The following TPTE2 variants were observed in gnomAD, a reference collection of about 807,000 sequenced individuals.
TPTE2 encodes phosphatidylinositol 3,4,5-trisphosphate 3-phosphatase TPTE2.
A neutral mutation model predicts 78.6 loss-of-function variants in TPTE2; 53 were observed. That is an observed-to-expected ratio of 0.67 (90% CI 0.54 to 0.85). TPTE2 has a LOEUF of 0.85. Among genes scored for constraint, TPTE2 ranks in the 40% least tolerant of loss-of-function variants. The probability of loss-of-function intolerance (pLI) is 0.00; values close to 1 mark genes in which losing one functional copy is unlikely to be tolerated. For synonymous variants in TPTE2, 175 were observed against 206.2 expected, an observed-to-expected ratio of 0.85 and a Z score of 1.30; for missense variants, 461 against 623.0, an observed-to-expected ratio of 0.74 and a Z score of 2.77.
the TPTE2 span, among the ~76,000 whole-genome samples, chr13:19,546,660 T>C: frequency 6.6e-6 from 1 of 151,842 alleles, no homozygotes; most frequent in Admixed American, 6.6e-5. Flanking sequence ...CGGCCAATTT[T>C]TGTATTTTTA....
chr13:19,450,948 T>C (rs1340487890), intron 11 of TPTE2, among the ~76,000 whole-genome samples: 1 of 152,198 alleles, frequency 6.6e-6, no homozygotes, highest in Admixed American at 6.5e-5. Context: ...CCAGCCTCAT[T>C]GGTCCTGCCA....
chr13:19,496,946 C>G (rs961556203), intron 1 of TPTE2, among the ~76,000 whole-genome samples: 1 of 152,066 alleles, frequency 6.6e-6, no homozygotes, highest in African/African-American at 2.4e-5. Flanking sequence ...GTGCGCGCAC[C>G]GTGCGCGAGC....
chr13:19,535,220 A>AAC lies in TPTE2; in HGVS notation c.-44+1375_-44+1376insGT, dbSNP rs1566081067. ...TCCTTCTCAAAAAAACAAACAAACAAAAAAATATATATATATATATATTCT... is the reference window on the plus strand; with the variant it reads ...TCCTTCTCAAAAAAACAAACAAACAAACAAAAATATATATATATATATATTCT... On this transcript the variant is annotated intron_variant, in intron 1 of 17. Transcript: ENST00000390680. The surrounding 1 kb of genome is among the most constrained non-coding windows in gnomAD (Gnocchi z 5.1). Among the ~76,000 whole-genome samples the AAC allele has an allele frequency of 1.5e-3, 11 of 7,174 alleles. No homozygotes were observed. The South Asian group carries it at 0.14, about 90-fold the overall frequency. 4.7% of individuals were successfully genotyped at this position (7,174 alleles called of 152,430 possible).
chr13:19,534,950 C>T (rs1258524548), intron 1 of TPTE2, among the ~76,000 whole-genome samples: 1 of 152,142 alleles, frequency 6.6e-6, no homozygotes, highest in Non-Finnish European at 1.5e-5. Flanking sequence ...TGCCTGCAAT[C>T]TCAGAACTTC....
intron 13 of TPTE2, among the ~76,000 whole-genome samples, chr13:19,449,684 AT>A (rs970839419): frequency 5.9e-4 from 90 of 152,258 alleles, no homozygotes; most frequent in Admixed American, 1.4e-3. Context: ...AAATATATTG[AT>A]TTTTTTGTTA....
rs9551472 is a variant in TPTE2, at chr13:19,444,673, G to T, written c.973+5403C>A. 2.0e-5 allele frequency among the ~76,000 whole-genome samples: 3 copies of T among 152,226 alleles called. No individual in the cohort carries two copies. The East Asian group carries it at 5.8e-4, about 29-fold the overall frequency. The stretch of plus-strand genomic sequence containing the variant: ...GCAATTCCAAACAAATTTCTATCCA[G>T]TGTGTGTAATTTGACTAGTTGATTC... On this transcript the variant is annotated intron_variant, in intron 13 of 19. Coordinates refer to ENST00000400230, the Ensembl canonical transcript of TPTE2.
chr13:19,560,614 G>T, the TPTE2 span: 1 of 1,598,454 alleles, frequency 6.3e-7, no homozygotes, highest in Non-Finnish European at 8.5e-7. Flanking sequence ...GGTAGCCACG[G>T]CTGGAAGGTG....
chr13:19,514,638 T>TGA (rs372029297), intron 1 of TPTE2, among the ~76,000 whole-genome samples: 2 of 149,368 alleles, frequency 1.3e-5, no homozygotes, highest in African/African-American at 2.5e-5. Flanking sequence ...TGTCTGTGTG[T>TGA]GAGAGAGAGA....
chr13:19,439,199 C>G (rs914282090), intron 13 of TPTE2, among the ~76,000 whole-genome samples: 31 of 152,284 alleles, frequency 2.0e-4, no homozygotes, highest in African/African-American at 2.9e-4. Flanking sequence ...CCTGGGGCAG[C>G]AGAGAGCTCC....
the TPTE2 span, among the ~76,000 whole-genome samples, chr13:19,556,486 C>T: frequency 2.0e-5 from 3 of 152,046 alleles, no homozygotes; most frequent in South Asian, 6.2e-4. Context: ...ATTAAATGAG[C>T]CCTTGGAGGC....
chr13:19,430,406 T>C lies in TPTE2; in HGVS notation c.1302+62A>G, dbSNP rs142173290. On this transcript the variant is annotated intron_variant, in intron 17 of 19. Transcript: ENST00000400230. Reference sequence around the variant, plus strand: ...GATAGTTTATGGAGGTGAACATTGCTGGTTTGACATTCAGCCTTAAAACAA... The same window carrying C: ...GATAGTTTATGGAGGTGAACATTGCCGGTTTGACATTCAGCCTTAAAACAA... 586 of 1,239,370 alleles carry C rather than the reference T, an allele frequency of 4.7e-4. 3 individuals carry two copies. The African/African-American group carries it at 8.0e-3, about 17-fold the overall frequency. The allele number at this position is 1,239,370 out of a possible 1,614,324, so 76.8% of individuals were successfully genotyped here. A position where few individuals can be genotyped will look rare whatever the true frequency, so the allele number is the denominator to read the frequency against.
At chr13:19,431,243 A>C (rs1876578246) in intron 16 of TPTE2, among the ~76,000 whole-genome samples, 1 of 152,154 alleles carries the variant, frequency 6.6e-6, no homozygotes, top group Admixed American at 6.5e-5. Flanking sequence ...TTAATAATAA[A>C]TACTGTCATT....
chr13:19,538,654 G>A (rs1400803706), upstream of TPTE2, among the ~76,000 whole-genome samples: 3 of 151,518 alleles, frequency 2.0e-5, no homozygotes, highest in Non-Finnish European at 4.4e-5. Flanking sequence ...TCAGCCTCCC[G>A]AATAACTGGG....
At chr13:19,471,420 T>C (rs1879608424) in intron 6 of TPTE2, among the ~76,000 whole-genome samples, 1 of 152,200 alleles carries the variant, frequency 6.6e-6, no homozygotes, top group Non-Finnish European at 1.5e-5. Flanking sequence ...GTTTCTTGTT[T>C]TTTATTTTTC....
At chr13:19,481,451 T>C (rs1284652614) in intron 4 of TPTE2, among the ~76,000 whole-genome samples, 1 of 152,230 alleles carries the variant, frequency 6.6e-6, no homozygotes, top group Non-Finnish European at 1.5e-5. Context: ...AGCCAAGCAC[T>C]GATTCCAGCT....
upstream of TPTE2, chr13:19,536,862 TATAA>T (rs968264312): frequency 6.6e-6 from 1 of 151,528 alleles, no homozygotes; most frequent in African/African-American, 2.4e-5. Context: ...TAATTACATA[TATAA>T]ATATATACAA....
In TPTE2 at chr13:19,475,564, C is replaced by G. The variant is rs1940534634; in HGVS notation, c.230+9G>C. ...ATTTAATACATGGTGTTTTCTATGT[C>G]TCACATACCCAAATGCAAAGGATGA... On this transcript the variant is annotated intron_variant, in intron 5 of 19. Coordinates refer to ENST00000400230, the Ensembl canonical transcript of TPTE2. The G allele has an allele frequency of 1.9e-6, 3 of 1,607,278 alleles. No individual in the cohort carries two copies. Among genetic ancestry groups the G allele is most frequent in the Non-Finnish European group, 2.5e-6 (3 of 1,177,508 alleles).
chr13:19,460,614 G>C (rs75531204), intron 10 of TPTE2, among the ~76,000 whole-genome samples: 6,435 of 152,114 alleles, frequency 0.042, 201 homozygotes, highest in East Asian at 0.17. Flanking sequence ...TCTAGTCATG[G>C]GATGATGACT....
intron 1 of TPTE2, among the ~76,000 whole-genome samples, chr13:19,534,858 A>G (rs1871106731): frequency 6.6e-6 from 1 of 152,222 alleles, no homozygotes; most frequent in Non-Finnish European, 1.5e-5. Flanking sequence ...CTGACTACTT[A>G]AGCAAGTTTT....
Sources: gnomAD v4.1 joint callset for allele counts (sites outside exome capture counted in the v4.1 genomes callset) on GRCh38, gnomAD v4.1.1 for gene constraint, Gnocchi (gnomAD v3.1) non-coding constraint, MANE v1.5 for transcripts, NCBI Gene and HGNC (gene_info 2026-07-23, HGNC 2026-07-21) for gene names.